The following EBF1 variants were observed in gnomAD, a reference collection of about 807,000 sequenced individuals.
EBF1 encodes the protein transcription factor COE1.
Under a neutral mutation model 68.4 loss-of-function variants are expected in EBF1, and 10 were observed. The observed-to-expected ratio is 0.15, with a 90% CI of 0.09 to 0.25. EBF1 has a LOEUF of 0.25. EBF1 is among the 10% of genes least tolerant of loss of function. The probability of loss-of-function intolerance (pLI) is 1.00; values close to 1 mark genes in which losing one functional copy is unlikely to be tolerated. For synonymous variants in EBF1, 298 were observed against 299.8 expected (o/e 0.99, Z 0.06); for missense variants, 509 against 794.4 (o/e 0.64, Z 4.32).
rs34940077 is a variant in EBF1 at position 158,911,460 on chromosome 5, G to GTT, written c.555-71352_555-71351dup. 2.1e-3 allele frequency among the ~76,000 whole-genome samples: 313 copies of GTT among 151,390 alleles called. 3 individuals are homozygous for GTT. Among genetic ancestry groups the GTT allele is most frequent in the African/African-American group, 7.3e-3 (302 of 41,224 alleles). The stretch of plus-strand genomic sequence containing the variant: ...AAAAATGTCTCATGAGGATAGAGGG[G>GTT]TTTTTTTTTAGTTTTGTTTTGTTTT... On this transcript the variant is annotated intron_variant, in intron 6 of 15. Transcript: ENST00000313708.
chr5:158,714,403 A>G (rs1017799123), intron 11 of EBF1, among the ~76,000 whole-genome samples: 2 of 152,222 alleles, frequency 1.3e-5, no homozygotes, highest in Non-Finnish European at 2.9e-5. Flanking sequence ...CTGCGAGATA[A>G]AATACATCAC....
At chr5:159,067,993 G>A (rs988503053) in intron 6 of EBF1, among the ~76,000 whole-genome samples, 5 of 152,086 alleles carry the variant, frequency 3.3e-5, no homozygotes, top group East Asian at 1.9e-4. Context: ...TTATCGGAAC[G>A]CTGAGAAATG....
intron 7 of EBF1, among the ~76,000 whole-genome samples, chr5:158,834,408 A>T (rs1582367778): frequency 6.6e-6 from 1 of 151,764 alleles, no homozygotes; most frequent in African/African-American, 2.4e-5. Flanking sequence ...CCTCATACCC[A>T]CCAGTCCTTA....
chr5:158,722,164 C>A (rs1762061652), intron 11 of EBF1, among the ~76,000 whole-genome samples: 1 of 152,114 alleles, frequency 6.6e-6, no homozygotes, highest in Non-Finnish European at 1.5e-5. Context: ...ACTTTCTGAT[C>A]AGGATAAAAG....
chr5:158,930,042 A>G (rs1285112243), intron 6 of EBF1, among the ~76,000 whole-genome samples: 1 of 152,190 alleles, frequency 6.6e-6, no homozygotes. Flanking sequence ...GTGCTGTTAA[A>G]TGTGTTTATT....
In EBF1 at chr5:158,859,850, C is replaced by T. The variant is rs1038942940; in HGVS notation, c.555-19740G>A. On this transcript the variant is annotated intron_variant, in intron 6 of 15. Transcript: ENST00000313708. ...GCTTTTGTTGATATCTCATCGGTCA[C>T]TTATTACCTTGTACTTTGCCTATCT... is the stretch of plus-strand genomic sequence containing the variant. Among the ~76,000 whole-genome samples, 25 of 152,222 alleles carry T rather than the reference C, an allele frequency of 1.6e-4. 1 individual carries two copies.
At chr5:158,788,252 G>T (rs914907010) in intron 9 of EBF1, among the ~76,000 whole-genome samples, 2 of 152,104 alleles carry the variant, frequency 1.3e-5, no homozygotes, top group African/African-American at 4.8e-5. Flanking sequence ...AGACAGAAGA[G>T]AAAATATTCT....
At chr5:158,866,969 G>A (rs1796041134) in intron 6 of EBF1, among the ~76,000 whole-genome samples, 1 of 149,712 alleles carries the variant, frequency 6.7e-6, no homozygotes, top group Non-Finnish European at 1.5e-5. Flanking sequence ...AACATACACA[G>A]AGGCACAAAC....
intron 6 of EBF1, among the ~76,000 whole-genome samples, chr5:159,058,465 C>T (rs1775189791): frequency 6.6e-6 from 1 of 152,192 alleles, no homozygotes; most frequent in African/African-American, 2.4e-5. Flanking sequence ...CCCTACCTTG[C>T]AACCAGACAA....
At chr5:159,052,822 T>C (rs1402150548) in intron 6 of EBF1, among the ~76,000 whole-genome samples, 1 of 152,206 alleles carries the variant, frequency 6.6e-6, no homozygotes, top group East Asian at 1.9e-4. Flanking sequence ...GGTTCCGTGT[T>C]CCTGCCCTTA....
At chr5:158,988,661 C>T (rs946262277) in intron 6 of EBF1, among the ~76,000 whole-genome samples, 2 of 152,130 alleles carry the variant, frequency 1.3e-5, no homozygotes, top group Non-Finnish European at 2.9e-5. Flanking sequence ...TTCCAAGATG[C>T]TTTAAATAGG....
chr5:158,944,533 G>A (rs1174093851), intron 6 of EBF1, among the ~76,000 whole-genome samples: 1 of 152,156 alleles, frequency 6.6e-6, no homozygotes, highest in Admixed American at 6.5e-5. Flanking sequence ...AAACATACGT[G>A]TGCATGTGTC....
intron 10 of EBF1, among the ~76,000 whole-genome samples, chr5:158,738,464 C>A (rs1765653049): frequency 6.6e-6 from 1 of 152,184 alleles, no homozygotes; most frequent in Non-Finnish European, 1.5e-5. Context: ...GCATCTTGAA[C>A]TCAATTATTC....
At chr5:158,815,127 C>T (rs1349400081) in intron 8 of EBF1, among the ~76,000 whole-genome samples, 2 of 152,138 alleles carry the variant, frequency 1.3e-5, no homozygotes, top group African/African-American at 4.8e-5. Context: ...CATCAAGCTT[C>T]CTGGATTTGA....
At chr5:158,749,635 CAAT>C (rs1768351311) in intron 10 of EBF1, among the ~76,000 whole-genome samples, 1 of 152,038 alleles carries the variant, frequency 6.6e-6, no homozygotes, top group Non-Finnish European at 1.5e-5. Context: ...TGACATAAGT[CAAT>C]AAGTTCCTAT....
intron 10 of EBF1, among the ~76,000 whole-genome samples, chr5:158,754,467 A>C (rs759138837): frequency 6.6e-6 from 1 of 152,164 alleles, no homozygotes; most frequent in Non-Finnish European, 1.5e-5. Flanking sequence ...GAAGGAAAGA[A>C]TTTCCTAGCA....
chr5:159,064,538 A>G (rs1776423255), intron 6 of EBF1, among the ~76,000 whole-genome samples: 1 of 152,148 alleles, frequency 6.6e-6, no homozygotes, highest in Non-Finnish European at 1.5e-5. Flanking sequence ...GTGCTCTAAA[A>G]CGCTGGAAGT....
intron 6 of EBF1, among the ~76,000 whole-genome samples, chr5:158,911,813 G>A (rs565912030): frequency 1.1e-3 from 171 of 152,284 alleles, no homozygotes; most frequent in African/African-American, 4.0e-3. Flanking sequence ...CAGCTAAAAT[G>A]TAACTATTAA....
At chr5:159,071,750 A>C (rs1777827443) in intron 6 of EBF1, among the ~76,000 whole-genome samples, 1 of 152,150 alleles carries the variant, frequency 6.6e-6, no homozygotes, top group East Asian at 1.9e-4. Flanking sequence ...AAAAAAAAAA[A>C]AGTCTTTTCA....
Sources: gnomAD v4.1 joint callset for allele counts (sites outside exome capture counted in the v4.1 genomes callset) on GRCh38, gnomAD v4.1.1 for gene constraint, MANE v1.5 for transcripts, NCBI Gene and HGNC (gene_info 2026-07-23, HGNC 2026-07-21) for gene names.